The following IQCM variants were observed in gnomAD, a reference collection of about 807,000 sequenced individuals.
The protein encoded by IQCM is IQ domain-containing protein M.
In IQCM, 45 loss-of-function variants were observed where a neutral mutation model predicts 57.6. The observed-to-expected ratio is 0.78, with a 90% CI of 0.62 to 1.00. The LOEUF is 1.00. Among genes scored for constraint, IQCM ranks in the 50% least tolerant of loss-of-function variants. The pLI, the probability that IQCM is intolerant of heterozygous loss-of-function variation, is 0.00. For synonymous variants in IQCM, 148 were observed against 158.9 expected (o/e 0.93, Z 0.51); for missense variants, 468 against 511.6 (o/e 0.91, Z 0.82).
chr4:149,549,496 C>T (rs993793268), intron 11 of IQCM, among the ~76,000 whole-genome samples: 2 of 152,040 alleles, frequency 1.3e-5, no homozygotes, highest in Admixed American at 6.6e-5. Context: ...CCAGCCTGGG[C>T]GACAGAGCGA....
intron 12 of IQCM, among the ~76,000 whole-genome samples, chr4:149,495,106 T>G (rs939872217): frequency 2.0e-5 from 3 of 152,082 alleles, no homozygotes; most frequent in Non-Finnish European, 4.4e-5. Flanking sequence ...AGGGTGACAG[T>G]GCCATTTATA....
intron 2 of IQCM, chr4:149,793,697 C>T (rs748560685): frequency 1.3e-5 from 2 of 151,898 alleles, no homozygotes; most frequent in Non-Finnish European, 2.9e-5. Context: ...GTCTGTCCAG[C>T]ATTCAGTCCA....
intron 5 of IQCM, among the ~76,000 whole-genome samples, chr4:149,728,151 C>T (rs1209375194): frequency 6.6e-6 from 1 of 152,234 alleles, no homozygotes; most frequent in Non-Finnish European, 1.5e-5. Flanking sequence ...ATCACATTAA[C>T]TCTTTTTTCA....
chr4:149,558,018 T>C (rs536494559), intron 10 of IQCM, among the ~76,000 whole-genome samples: 3 of 152,362 alleles, frequency 2.0e-5, no homozygotes, highest in Non-Finnish European at 4.4e-5. Context: ...TTGGAGACTA[T>C]GGATCTAACA....
At chr4:149,713,595 C>T (rs1764742802) in intron 5 of IQCM, among the ~76,000 whole-genome samples, 1 of 152,132 alleles carries the variant, frequency 6.6e-6, no homozygotes, top group East Asian at 1.9e-4. Flanking sequence ...TAACACTTCC[C>T]CCTGCCCTTA....
At chr4:149,717,263 C>T (rs753244214) in intron 5 of IQCM, among the ~76,000 whole-genome samples, 4 of 152,098 alleles carry the variant, frequency 2.6e-5, no homozygotes, top group Non-Finnish European at 5.9e-5. Context: ...ACTAAGCCCT[C>T]AACCTATGGG....
At chr4:149,744,813 C>T (rs1369248922) in intron 2 of IQCM, among the ~76,000 whole-genome samples, 1 of 151,950 alleles carries the variant, frequency 6.6e-6, no homozygotes, top group African/African-American at 2.4e-5. Context: ...GTGCAAAGGA[C>T]TTGCCATTTA....
intron 2 of IQCM, among the ~76,000 whole-genome samples, chr4:149,776,255 T>A (rs1241919418): frequency 6.6e-6 from 1 of 152,132 alleles, no homozygotes; most frequent in Non-Finnish European, 1.5e-5. Flanking sequence ...TGCTTTGTAG[T>A]TTACTAAGTT....
chr4:149,467,948 C>T (rs557853505), intron 12 of IQCM, among the ~76,000 whole-genome samples: 1 of 152,090 alleles, frequency 6.6e-6, no homozygotes, highest in Non-Finnish European at 1.5e-5. Flanking sequence ...GGGTGAATGG[C>T]ACTGAAGGGG....
chr4:149,357,414 G>A (rs532492136), intron 13 of IQCM, among the ~76,000 whole-genome samples: 3 of 152,176 alleles, frequency 2.0e-5, no homozygotes, highest in East Asian at 3.9e-4. Context: ...TTTGAGATAC[G>A]TCCCATCAAT....
At chr4:149,513,691 C>T (rs1744652773) in intron 12 of IQCM, among the ~76,000 whole-genome samples, 1 of 151,984 alleles carries the variant, frequency 6.6e-6, no homozygotes, top group Admixed American at 6.6e-5. Context: ...TACTAAGAGC[C>T]TTTTGGGAGA....
intron 12 of IQCM, among the ~76,000 whole-genome samples, chr4:149,525,011 G>A (rs1199444500): frequency 1.3e-5 from 2 of 151,682 alleles, no homozygotes; most frequent in Non-Finnish European, 3.0e-5. Context: ...TTGAAACAGG[G>A]ATCAATGATT....
Position 149,733,309 on chromosome 4 carries a change from G to A in IQCM, c.320C>T (p.Ser107Phe), listed in dbSNP as rs1290841404. Residue 107 changes from serine (S) to phenylalanine (F), a missense_variant, in exon 5 of 14, where the codon TCC becomes TTC. Transcript: ENST00000636793. Reference protein sequence around the residue: ...EHLQEPPQRISFKEPHIFSRR... With the variant: ...EHLQEPPQRIFFKEPHIFSRR... Reference sequence around the variant, plus strand: ...ACTAAAAATGTGTGGTTCCTTGAAGGAGATTCGTTGTGGGGGTTCCTGAAG... The same window carrying A: ...ACTAAAAATGTGTGGTTCCTTGAAGAAGATTCGTTGTGGGGGTTCCTGAAG... 8.1e-6 allele frequency: 10 copies of A among 1,231,208 alleles called. No homozygotes were observed. The East Asian group carries it at 3.2e-4, about 39-fold the overall frequency. 76.3% of individuals were successfully genotyped at this position (1,231,208 alleles called of 1,614,324 possible).
At chr4:149,578,432 A>AT (rs1332240998) in intron 9 of IQCM, among the ~76,000 whole-genome samples, 2 of 151,720 alleles carry the variant, frequency 1.3e-5, no homozygotes, top group Admixed American at 1.3e-4. Context: ...ATGAGGGCTG[A>AT]TTTTTCAGTG....
Position 149,654,963 on chromosome 4 carries a change from C to A in IQCM, c.565+27155G>T, listed in dbSNP as rs563811882. Among the ~76,000 whole-genome samples, 81 of 99,614 alleles carry A rather than the reference C, an allele frequency of 8.1e-4. 1 individual carries two copies. In the South Asian group the frequency reaches 0.032, roughly 39 times the overall value. 65.4% of individuals were successfully genotyped at this position (99,614 alleles called of 152,430 possible). A position where few individuals can be genotyped will look rare whatever the true frequency, so the allele number is the denominator to read the frequency against. ...TAAATAAAACGTATGTTTAAAATTT[C>A]TTTTAACAATTTCTCCTTACATCTT... On this transcript the variant is annotated intron_variant, in intron 7 of 13. Coordinates refer to ENST00000636793, the MANE Select transcript of IQCM (RefSeq NM_001363507.2).
intron 12 of IQCM, among the ~76,000 whole-genome samples, chr4:149,445,801 GTTTCA>G (rs1015290883): frequency 6.6e-6 from 1 of 151,662 alleles, no homozygotes; most frequent in Non-Finnish European, 1.5e-5. Flanking sequence ...GCATCAACAT[GTTTCA>G]TTTAAGATTG....
intron 12 of IQCM, among the ~76,000 whole-genome samples, chr4:149,455,137 T>G (rs1737554539): frequency 6.6e-6 from 1 of 152,072 alleles, no homozygotes; most frequent in African/African-American, 2.4e-5. Context: ...TATGATACGT[T>G]TATTAGATGT....
chr4:149,647,778 T>C (rs1361833997), intron 7 of IQCM, among the ~76,000 whole-genome samples: 1 of 152,198 alleles, frequency 6.6e-6, no homozygotes, highest in Non-Finnish European at 1.5e-5. Flanking sequence ...AGAATTAATG[T>C]CTCTCATCAT....
intron 13 of IQCM, among the ~76,000 whole-genome samples, chr4:149,417,432 T>G (rs1733823189): frequency 6.6e-6 from 1 of 152,118 alleles, no homozygotes; most frequent in Non-Finnish European, 1.5e-5. Flanking sequence ...CATGGTGCTG[T>G]GAAGCTTGGT....
Sources: allele counts gnomAD v4.1 joint callset (sites outside exome capture counted in the v4.1 genomes callset), GRCh38; gene constraint gnomAD v4.1.1; transcripts MANE v1.5; gene names NCBI Gene and HGNC (gene_info 2026-07-23, HGNC 2026-07-21).